Variants in ADGRG5 observed in about 807,000 individuals in gnomAD.
ADGRG5 encodes G protein-coupled receptor 114.
ADGRG5 carries 37 observed loss-of-function variants against 53.2 expected under a neutral mutation model. The ratio of observed to expected loss-of-function variants is 0.70; its 90% CI spans 0.53 to 0.91. The LOEUF (loss-of-function observed/expected upper bound fraction) is 0.91, where lower values mean the gene tolerates loss of function less well. Ranked by LOEUF, ADGRG5 falls within the 40% of genes least tolerant of loss-of-function variation. The probability of loss-of-function intolerance (pLI) is 0.00; values close to 1 mark genes in which losing one functional copy is unlikely to be tolerated. For synonymous variants in ADGRG5, 277 were observed against 290.4 expected, an observed-to-expected ratio of 0.95 and a Z score of 0.47; for missense variants, 614 against 675.8, an observed-to-expected ratio of 0.91 and a Z score of 1.01.
At chr16:57,556,255 C>T (rs1193322243) in intron 1 of ADGRG5, among the ~76,000 whole-genome samples, 1 of 152,118 alleles carries the variant, frequency 6.6e-6, no homozygotes, top group East Asian at 1.9e-4. Context: ...CTTTTATAAT[C>T]CAGTCAGACA....
chr16:57,559,853 A>G (rs2032962271), intron 1 of ADGRG5, among the ~76,000 whole-genome samples: 1 of 152,124 alleles, frequency 6.6e-6, no homozygotes, highest in Non-Finnish European at 1.5e-5. Context: ...TCATCTTAAT[A>G]TGGTTTTTAC....
At position 57,566,666 on chromosome 16, in the gene ADGRG5, G is replaced by A; in HGVS notation, c.614G>A (p.Ser205Asn). ...GARKQPWGGW[S>N]PEGCRTEQPS... is the part of the protein sequence containing the mutation. ...AGGAAACAGCCCTGGGGGGGCTGGA[G>A]CCCTGAGGGCTGTCGTACAGAGCAG... The change falls in exon 7 of 12, where the codon AGC becomes AAC. Residue 205 changes from serine (S) to asparagine (N), a missense_variant. Coordinates refer to ENST00000349457, the MANE Select transcript of ADGRG5 (RefSeq NM_001304376.3). The A allele has an allele frequency of 6.3e-7, 1 of 1,593,790 alleles. No individual in the cohort carries two copies. The highest frequency in any genetic ancestry group is 8.5e-7 in the Non-Finnish European group (1 of 1,170,646).
chr16:57,555,395 G>C (rs1417434289), intron 1 of ADGRG5, among the ~76,000 whole-genome samples: 1 of 152,038 alleles, frequency 6.6e-6, no homozygotes, highest in Non-Finnish European at 1.5e-5. Flanking sequence ...TTTTTCCCCT[G>C]CTAGCCATTC....
chr16:57,552,097 G>C (rs1479662492), intron 1 of ADGRG5, among the ~76,000 whole-genome samples: 1 of 151,622 alleles, frequency 6.6e-6, no homozygotes, highest in Non-Finnish European at 1.5e-5. Context: ...GCTATAAATA[G>C]ATTGCTATCA....
chr16:57,575,462 G>C lies in ADGRG5; in HGVS notation c.1511G>C (p.Cys504Ser). The C allele has an allele frequency of 6.2e-7, 1 of 1,614,142 alleles. No homozygotes were observed. Among genetic ancestry groups the C allele is most frequent in the Non-Finnish European group, 8.5e-7 (1 of 1,179,976 alleles). ...GGTTTCTTCCTTTTCCTGTGGTTCT[G>C]CTCCCAGCGGTGCCGCTCAGAAGCA... Reference protein sequence around the residue: ...LYGFFLFLWFCSQRCRSEAEA... With the variant: ...LYGFFLFLWFSSQRCRSEAEA... The change falls in exon 12 of 12, where the codon TGC becomes TCC. Residue 504 changes from cysteine to serine, a missense_variant. Transcript: ENST00000349457.
chr16:57,562,684 C>A, intron 3 of ADGRG5: 1 of 568,206 alleles, frequency 1.8e-6, no homozygotes, highest in Non-Finnish European at 3.1e-6. Context: ...ACACTAAGTG[C>A]AGAATTATGG....
In ADGRG5 at chr16:57,563,979, G is replaced by A; in HGVS notation, c.429G>A (p.Lys143=). ...CIYFSNTHFF[K]DENNSSLLNN... ...ACTTCTCCAACACCCACTTTTTCAA[G>A]GTCAGTGTGATGGCGGGCCAAGGAG... Residue 143 remains lysine (K), a splice_region_variant and synonymous_variant, in exon 5 of 12, where the codon AAG becomes AAA. Coordinates refer to ENST00000349457, the MANE Select transcript of ADGRG5 (RefSeq NM_001304376.3). 1.2e-6 allele frequency: 2 copies of A among 1,611,582 alleles called. No homozygotes were observed. The highest frequency in any genetic ancestry group is 8.5e-7 in the Non-Finnish European group (1 of 1,178,036).
chr16:57,533,614 G>A, the ADGRG5 span, among the ~76,000 whole-genome samples: 5 of 145,842 alleles, frequency 3.4e-5, no homozygotes, highest in South Asian at 4.4e-4. Context: ...CCAGGGACCC[G>A]CACTCACACA....
Position 57,574,729 on chromosome 16 carries a change from G to C in ADGRG5, c.1209-86G>C, listed in dbSNP as rs2033462770. On this transcript the variant is annotated intron_variant, in intron 10 of 11. Coordinates refer to ENST00000349457, the MANE Select transcript of ADGRG5 (RefSeq NM_001304376.3). This position sits in a 1 kb window ranked among gnomAD's most constrained non-coding sequence, Gnocchi z 4.4. The stretch of plus-strand genomic sequence containing the variant: ...AGAAACAATAGGGCCTGAGCCAGGA[G>C]ACCGAGTGGGGCTTCAGGGAGTGAT... The C allele has an allele frequency of 1.4e-6, 2 of 1,402,792 alleles. No individual in the cohort carries two copies. Among genetic ancestry groups the C allele is most frequent in the African/African-American group, 1.4e-5 (1 of 69,796 alleles). The allele number at this position is 1,402,792 out of a possible 1,614,324, so 86.9% of individuals were successfully genotyped here.
intron 1 of ADGRG5, among the ~76,000 whole-genome samples, chr16:57,554,942 G>T (rs1192271048): frequency 2.0e-5 from 3 of 151,980 alleles, no homozygotes; most frequent in Non-Finnish European, 4.4e-5. Flanking sequence ...ACTTAATAGT[G>T]TATTATTTAA....
chr16:57,575,154 T>G lies in ADGRG5; in HGVS notation c.1486+62T>G, dbSNP rs1596805645. The G allele has an allele frequency of 1.9e-6, 3 of 1,549,530 alleles. No homozygotes were observed. In the African/African-American group the frequency reaches 4.1e-5, roughly 21 times the overall value. On this transcript the variant is annotated intron_variant, in intron 11 of 11. Coordinates refer to ENST00000349457, the MANE Select transcript of ADGRG5 (RefSeq NM_001304376.3). The stretch of plus-strand genomic sequence containing the variant: ...CAGGGGGTGTATGGCTGGTGGGATG[T>G]TCACTGCTAAAGGGGTTCAGGTGAA...
chr16:57,536,760 G>T, the ADGRG5 span, among the ~76,000 whole-genome samples: 2 of 152,152 alleles, frequency 1.3e-5, no homozygotes, highest in Non-Finnish European at 2.9e-5. Context: ...GGGCCGGGGC[G>T]GTGGGCTCTG....
the ADGRG5 span, among the ~76,000 whole-genome samples, chr16:57,531,080 C>T: frequency 6.6e-6 from 1 of 152,022 alleles, no homozygotes; most frequent in Non-Finnish European, 1.5e-5. Context: ...TCTCCTCTCA[C>T]GATATCCCTG....
intron 11 of ADGRG5, 99 bp from the exon 12 acceptor site, chr16:57,575,339 C>A: frequency 1.7e-6 from 2 of 1,156,090 alleles, no homozygotes; most frequent in East Asian, 2.4e-5. Flanking sequence ...CTGGGAGTTG[C>A]CCATGGGCCC....
At chr16:57,555,675 C>T (rs577080433) in intron 1 of ADGRG5, among the ~76,000 whole-genome samples, 11 of 152,234 alleles carry the variant, frequency 7.2e-5, no homozygotes, top group East Asian at 3.9e-4. Flanking sequence ...ATTTTCTTGA[C>T]GAATTAGTCT....
intron 1 of ADGRG5, among the ~76,000 whole-genome samples, chr16:57,548,545 A>C (rs2032672651): frequency 6.6e-6 from 1 of 152,128 alleles, no homozygotes; most frequent in Non-Finnish European, 1.5e-5. Context: ...CACCACGATC[A>C]AGACACAGAA....
chr16:57,533,418 C>G, the ADGRG5 span, among the ~76,000 whole-genome samples: 1 of 151,978 alleles, frequency 6.6e-6, no homozygotes, highest in African/African-American at 2.4e-5. Flanking sequence ...CCTACCCTGC[C>G]CCACTCATAC....
chr16:57,529,286 T>C, the ADGRG5 span: 1 of 1,115,728 alleles, frequency 9.0e-7, no homozygotes, highest in Admixed American at 5.0e-5. The surrounding 1 kb of genome is among the most constrained non-coding windows in gnomAD (Gnocchi z 4.1). Flanking sequence ...CGTGCCCCGC[T>C]TCCCTCTGGG....
chr16:57,546,584 C>CT (rs2032626205), intron 1 of ADGRG5, among the ~76,000 whole-genome samples: 1 of 152,106 alleles, frequency 6.6e-6, no homozygotes, highest in Non-Finnish European at 1.5e-5. Context: ...TACATATGGC[C>CT]TTCTTTTGGC....
Sources: allele counts gnomAD v4.1 joint callset (sites outside exome capture counted in the v4.1 genomes callset), GRCh38; gene constraint gnomAD v4.1.1; non-coding constraint Gnocchi (gnomAD v3.1); transcripts MANE v1.5; gene names NCBI Gene and HGNC (gene_info 2026-07-23, HGNC 2026-07-21).